PTPRN2: variants seen among roughly 807,000 people sequenced by gnomAD.
PTPRN2 encodes the protein receptor-type tyrosine-protein phosphatase N2.
PTPRN2 carries 74 observed loss-of-function variants against 118.8 expected under a neutral mutation model. The observed-to-expected ratio is 0.62, with a 90% confidence interval of 0.52 to 0.76. The LOEUF is 0.76. Among genes scored for constraint, PTPRN2 ranks in the 30% least tolerant of loss-of-function variants. PTPRN2 has a pLI of 0.00. For synonymous variants in PTPRN2, 641 were observed against 608.0 expected (o/e 1.05, Z -0.80); for missense variants, 1,481 against 1,394.4 (o/e 1.06, Z -0.99).
intron 6 of PTPRN2, among the ~76,000 whole-genome samples, chr7:158,140,790 T>C (rs989773725): frequency 1.3e-5 from 2 of 152,192 alleles, no homozygotes; most frequent in African/African-American, 4.8e-5. Context: ...GGTCTGCGCA[T>C]CTCGCCGTGT....
rs535660024 is a variant in PTPRN2, at chr7:158,440,423, A to G, written c.163+49312T>C. Among the ~76,000 whole-genome samples the G allele has an allele frequency of 2.0e-5, 3 of 151,816 alleles. No individual in the cohort carries two copies. The East Asian group carries it at 5.8e-4, about 30-fold the overall frequency. On this transcript the variant is annotated intron_variant, in intron 2 of 22. Transcript: ENST00000389418. Reference sequence around the variant, plus strand: ...GATGGTAGTGGTGGTGGTGATAGTGAAAGCAGTGGTGGTGGTGATGATGGT... The same window carrying G: ...GATGGTAGTGGTGGTGGTGATAGTGGAAGCAGTGGTGGTGGTGATGATGGT...
intron 1 of PTPRN2, among the ~76,000 whole-genome samples, chr7:158,575,582 T>G (rs1828278687): frequency 6.6e-6 from 1 of 152,190 alleles, no homozygotes; most frequent in Non-Finnish European, 1.5e-5. Flanking sequence ...CCCAGGCTGG[T>G]CTCAAACTCT....
intron 12 of PTPRN2, among the ~76,000 whole-genome samples, chr7:157,738,667 C>T (rs1320339956): frequency 6.6e-6 from 1 of 152,224 alleles, no homozygotes; most frequent in African/African-American, 2.4e-5. Flanking sequence ...CACGGCTCAT[C>T]ACAGGAGAAA....
At chr7:158,470,793 G>A (rs904956314) in intron 2 of PTPRN2, among the ~76,000 whole-genome samples, 2 of 152,122 alleles carry the variant, frequency 1.3e-5, no homozygotes, top group African/African-American at 2.4e-5. Context: ...AGTGAAATGC[G>A]TGACCTTAGG....
intron 1 of PTPRN2, among the ~76,000 whole-genome samples, chr7:158,556,559 A>C (rs890565443): frequency 3.3e-5 from 5 of 152,210 alleles, no homozygotes; most frequent in African/African-American, 7.2e-5. Flanking sequence ...TTTCAAAAAA[A>C]AAAAAAAAGA....
intron 12 of PTPRN2, among the ~76,000 whole-genome samples, chr7:157,829,909 G>A (rs950176481): frequency 6.6e-6 from 1 of 152,208 alleles, no homozygotes; most frequent in Non-Finnish European, 1.5e-5. Flanking sequence ...TGCCTGCCCT[G>A]CACCTCTGCA....
chr7:158,424,246 C>T (rs1321777597), intron 2 of PTPRN2, among the ~76,000 whole-genome samples: 2 of 152,174 alleles, frequency 1.3e-5, no homozygotes, highest in Non-Finnish European at 2.9e-5. Flanking sequence ...GCGGCCCGTT[C>T]TTCGGGCTTT....
Position 157,794,588 on chromosome 7 carries a change from T to C in PTPRN2, c.1788+104085A>G, listed in dbSNP as rs200765074. 6.6e-5 allele frequency among the ~76,000 whole-genome samples: 10 copies of C among 152,336 alleles called. No homozygotes were observed. The East Asian group carries it at 1.2e-3, about 18-fold the overall frequency. On this transcript the variant is annotated intron_variant, in intron 12 of 22. Transcript: ENST00000389418. The surrounding 1 kb of genome is among the most constrained non-coding windows in gnomAD (Gnocchi z 5.2). The stretch of plus-strand genomic sequence containing the variant: ...TCTCCGCTTTGTTTAAATGTGGGGA[T>C]TTCATTTCTTCATCGCCTCTGTGAA...
chr7:158,546,087 G>C lies in PTPRN2; in HGVS notation c.112+41471C>G, dbSNP rs768150961. Among the ~76,000 whole-genome samples the C allele has an allele frequency of 6.6e-6, 1 of 152,210 alleles. No homozygotes were observed. Among genetic ancestry groups the C allele is most frequent in the Non-Finnish European group, 1.5e-5 (1 of 68,028 alleles). The stretch of plus-strand genomic sequence containing the variant: ...CAAGGGCTGGAGACCAAAAAAACTG[G>C]GCCAACGGCCCACAAACACGTGAGC... On this transcript the variant is annotated intron_variant, in intron 1 of 22. Transcript: ENST00000389418. The surrounding 1 kb of genome is among the most constrained non-coding windows in gnomAD (Gnocchi z 5.0).
chr7:158,576,371 C>A (rs1438420556), intron 1 of PTPRN2, among the ~76,000 whole-genome samples: 1 of 152,210 alleles, frequency 6.6e-6, no homozygotes, highest in African/African-American at 2.4e-5. Flanking sequence ...AACTCTGCCT[C>A]AAAGCCTTTT....
In PTPRN2 at chr7:158,071,290, AGG is replaced by A. The variant is rs1314332244; in HGVS notation, c.1723+10006_1723+10007del. 8.5e-4 allele frequency among the ~76,000 whole-genome samples: 52 copies of A among 61,402 alleles called. 1 individual carries two copies. Among genetic ancestry groups the A allele is most frequent in the African/African-American group, 1.8e-3 (23 of 12,452 alleles). The allele number at this position is 61,402 out of a possible 152,430, so 40.3% of individuals were successfully genotyped here. On this transcript the variant is annotated intron_variant, in intron 11 of 22. Transcript: ENST00000389418. ...GTGGTGGAGGTGCCCGTGGTGGTGG[AGG>A]TGCTCGTGGTGGAGGTGCCCATGGT...
At chr7:158,220,308 A>C (rs2150790151) in intron 3 of PTPRN2, among the ~76,000 whole-genome samples, 1 of 152,274 alleles carries the variant, frequency 6.6e-6, no homozygotes, top group South Asian at 2.1e-4. Flanking sequence ...TAGTATTGGA[A>C]TTCCTAGCCA....
At chr7:157,932,773 G>C (rs1212544969) in intron 11 of PTPRN2, among the ~76,000 whole-genome samples, 1 of 151,278 alleles carries the variant, frequency 6.6e-6, no homozygotes, top group African/African-American at 2.4e-5. Context: ...CACAGTTTTA[G>C]AAGAGGGATG....
chr7:157,946,313 G>T (rs1047715412), intron 11 of PTPRN2, among the ~76,000 whole-genome samples: 1 of 152,098 alleles, frequency 6.6e-6, no homozygotes, highest in South Asian at 2.1e-4. Context: ...AATCCAGCTG[G>T]TCCTGAGAGA....
At chr7:157,956,203 C>G (rs1801177763) in intron 11 of PTPRN2, among the ~76,000 whole-genome samples, 1 of 152,118 alleles carries the variant, frequency 6.6e-6, no homozygotes, top group African/African-American at 2.4e-5. Flanking sequence ...ATCTGCATGC[C>G]CAGGGCTGTG....
intron 3 of PTPRN2, among the ~76,000 whole-genome samples, chr7:158,269,294 C>T (rs1488706977): frequency 6.6e-6 from 1 of 152,196 alleles, no homozygotes; most frequent in Admixed American, 6.5e-5. Flanking sequence ...AGCAGTGTAA[C>T]CCTGAATGCC....
intron 11 of PTPRN2, among the ~76,000 whole-genome samples, chr7:157,914,460 T>C (rs1368906405): frequency 6.6e-6 from 1 of 152,236 alleles, no homozygotes; most frequent in African/African-American, 2.4e-5. Flanking sequence ...AGAATACTTA[T>C]GAATCGTAGG....
At chr7:158,408,792 G>A (rs1188197245) in intron 2 of PTPRN2, among the ~76,000 whole-genome samples, 3 of 152,150 alleles carry the variant, frequency 2.0e-5, no homozygotes, top group East Asian at 1.9e-4. Context: ...TTTGATCAAC[G>A]TCACATATGC....
chr7:157,842,454 A>G (rs1236823519), intron 12 of PTPRN2, among the ~76,000 whole-genome samples: 1 of 127,714 alleles, frequency 7.8e-6, no homozygotes, highest in Non-Finnish European at 1.6e-5. Flanking sequence ...TCGCTCTGTC[A>G]CCCAGGCTGG....
Sources: allele counts gnomAD v4.1 joint callset (sites outside exome capture counted in the v4.1 genomes callset), GRCh38; gene constraint gnomAD v4.1.1; non-coding constraint Gnocchi (gnomAD v3.1); transcripts MANE v1.5; gene names NCBI Gene and HGNC (gene_info 2026-07-23, HGNC 2026-07-21).